ARHGAP26: variants seen among roughly 807,000 people sequenced by gnomAD.
The protein encoded by ARHGAP26 is rho GTPase-activating protein 26.
ARHGAP26 carries 38 observed loss-of-function variants against 104.8 expected under a neutral mutation model. The observed-to-expected ratio is 0.36, with a 90% confidence interval of 0.28 to 0.48. ARHGAP26 has a LOEUF of 0.48. Among genes scored for constraint, ARHGAP26 ranks in the 20% least tolerant of loss-of-function variants. The pLI is 0.99. For synonymous variants in ARHGAP26, 341 were observed against 340.0 expected (o/e 1.00, Z -0.03); for missense variants, 704 against 947.9 (o/e 0.74, Z 3.38).
intron 1 of ARHGAP26, chr5:142,771,225 C>G: frequency 7.9e-7 from 1 of 1,259,226 alleles, no homozygotes; most frequent in Non-Finnish European, 1.0e-6. Context: ...AGCAGTGGGG[C>G]CAGAGTGCCG....
chr5:143,169,159 A>G lies in ARHGAP26; in HGVS notation c.1988+21778A>G, dbSNP rs3776244. On this transcript the variant is annotated intron_variant, in intron 20 of 22. Transcript: ENST00000645722. ...CCTGTCTTCCTCACATGTTTCTGAAAACTGAACACTGGTGTAAATTTCCCT... is the reference window on the plus strand; with the variant it reads ...CCTGTCTTCCTCACATGTTTCTGAAGACTGAACACTGGTGTAAATTTCCCT... Among the ~76,000 whole-genome samples, 656 of 152,326 alleles carry G rather than the reference A, an allele frequency of 4.3e-3. 12 individuals are homozygous for G. In the East Asian group the frequency reaches 0.045, roughly 10 times the overall value.
intron 20 of ARHGAP26, among the ~76,000 whole-genome samples, chr5:143,149,780 G>A (rs1799594764): frequency 6.6e-6 from 1 of 152,162 alleles, no homozygotes; most frequent in Admixed American, 6.5e-5. Flanking sequence ...AAGAACAAAG[G>A]TGGGCTGGGA....
At chr5:143,219,200 A>G (rs1810811190) in intron 22 of ARHGAP26, among the ~76,000 whole-genome samples, 1 of 152,260 alleles carries the variant, frequency 6.6e-6, no homozygotes, top group Non-Finnish European at 1.5e-5. Context: ...TATTATGACC[A>G]TGCACAAATT....
intron 6 of ARHGAP26, among the ~76,000 whole-genome samples, chr5:142,898,252 G>A (rs1206179837): frequency 6.6e-6 from 1 of 151,836 alleles, no homozygotes; most frequent in South Asian, 2.1e-4. Flanking sequence ...GTATATGTAT[G>A]TATATATTTG....
chr5:143,203,106 C>A (rs180987075), intron 20 of ARHGAP26: 2 of 152,060 alleles, frequency 1.3e-5, no homozygotes, highest in South Asian at 4.1e-4. Flanking sequence ...AGCTTCTGCA[C>A]AGCAGAAGAA....
intron 11 of ARHGAP26, among the ~76,000 whole-genome samples, chr5:142,961,357 T>A (rs1234190635): frequency 1.3e-5 from 2 of 151,744 alleles, no homozygotes; most frequent in Non-Finnish European, 2.9e-5. Flanking sequence ...CCGGGCATGG[T>A]GGTGTGCACC....
chr5:142,929,226 G>A (rs537038984), intron 10 of ARHGAP26, among the ~76,000 whole-genome samples: 2 of 152,084 alleles, frequency 1.3e-5, no homozygotes, highest in Non-Finnish European at 2.9e-5. Context: ...TAGTCACTGC[G>A]CCCGGCCTAT....
intron 11 of ARHGAP26, among the ~76,000 whole-genome samples, chr5:142,976,024 A>G (rs1773030438): frequency 6.6e-6 from 1 of 152,244 alleles, no homozygotes; most frequent in African/African-American, 2.4e-5. Flanking sequence ...TAAACAAAGC[A>G]AAGTATATTA....
chr5:142,894,156 AT>A (rs1174590761), intron 5 of ARHGAP26, 81 bp from the exon 6 acceptor site: 1,104 of 1,029,686 alleles, frequency 1.1e-3, no homozygotes, highest in Non-Finnish European at 1.2e-3. Context: ...ATCTCCCGAG[AT>A]TTTTTTTTTC....
chr5:142,771,120 T>G, intron 1 of ARHGAP26: 1 of 1,320,514 alleles, frequency 7.6e-7, no homozygotes, highest in South Asian at 2.0e-5. Context: ...TCGCTCCGCC[T>G]TTTGCGTTCA....
intron 1 of ARHGAP26, among the ~76,000 whole-genome samples, chr5:142,864,144 C>T (rs765005843): frequency 6.6e-6 from 1 of 152,072 alleles, no homozygotes; most frequent in African/African-American, 2.4e-5. Flanking sequence ...AACGTGTCTA[C>T]CTTAGGGGCC....
intron 1 of ARHGAP26, among the ~76,000 whole-genome samples, chr5:142,812,560 A>ACTCCTAGCCTCAAGTGATC (rs1265113117): frequency 6.6e-6 from 1 of 151,802 alleles, no homozygotes; most frequent in Non-Finnish European, 1.5e-5. Flanking sequence ...CTGGTCTCGA[A>ACTCCTAGCCTCAAGTGATC]CTCCTAGCCT....
chr5:142,938,714 C>T (rs1174736277), intron 11 of ARHGAP26, among the ~76,000 whole-genome samples: 1 of 152,222 alleles, frequency 6.6e-6, no homozygotes, highest in Non-Finnish European at 1.5e-5. Flanking sequence ...TGATCCACAG[C>T]TTCAGGGCTT....
intron 14 of ARHGAP26, 59 bp from the exon 15 acceptor site, chr5:143,054,380 G>A: frequency 1.6e-6 from 2 of 1,227,988 alleles, no homozygotes; most frequent in East Asian, 2.4e-5. Context: ...CTTTATGTGT[G>A]CTTATTTATT....
At position 142,963,173 on chromosome 5, in the gene ARHGAP26, T is replaced by TAC. The variant is rs1491343064; in HGVS notation, c.1107+31049_1107+31050insCA. ...TGTGTAGTATTCCATGGTATATATG[T>TAC]ATATATATATATATATATATATATA... On this transcript the variant is annotated intron_variant, in intron 11 of 22. Coordinates refer to ENST00000645722, the MANE Select transcript of ARHGAP26 (RefSeq NM_001135608.3). 1.4e-3 allele frequency among the ~76,000 whole-genome samples: 45 copies of TAC among 32,096 alleles called. 1 individual carries two copies. The highest frequency in any genetic ancestry group is 6.4e-3 in the African/African-American group (39 of 6,102). 21.1% of individuals were successfully genotyped at this position (32,096 alleles called of 152,430 possible).
intron 1 of ARHGAP26, among the ~76,000 whole-genome samples, chr5:142,786,266 G>A (rs1758609774): frequency 6.6e-6 from 1 of 151,682 alleles, no homozygotes; most frequent in Non-Finnish European, 1.5e-5. Flanking sequence ...ACAGGTGTAA[G>A]CCATGGTGTT....
intron 4 of ARHGAP26, among the ~76,000 whole-genome samples, chr5:142,882,289 G>C (rs73286489): frequency 0.016 from 2,467 of 152,302 alleles, 60 homozygotes; most frequent in African/African-American, 0.056. Flanking sequence ...AAGAAGAAGT[G>C]AGTGAACTCC....
At chr5:143,182,305 C>A (rs893103546) in intron 20 of ARHGAP26, among the ~76,000 whole-genome samples, 21 of 152,318 alleles carry the variant, frequency 1.4e-4, no homozygotes, top group African/African-American at 5.1e-4. Flanking sequence ...CAAAACTCAT[C>A]CACAGTTCAT....
rs1762063499 is a variant in ARHGAP26 at position 142,913,204 on chromosome 5, A to G, written c.939A>G (p.Glu313=). The G allele has an allele frequency of 6.2e-7, 1 of 1,613,992 alleles. No individual in the cohort carries two copies. The highest frequency in any genetic ancestry group is 8.5e-7 in the Non-Finnish European group (1 of 1,179,946). The change falls in exon 10 of 23, where the codon GAA becomes GAG. Residue 313 remains glutamate, a synonymous_variant. Transcript: ENST00000645722. ...FDQKSGGKGG[E]DESVILKSCT... ...AGTCTGTGTGTTCCCACTAGGGAGA[A>G]GATGAATCAGTTATCCTCAAATCCT...
Sources: allele counts gnomAD v4.1 joint callset (sites outside exome capture counted in the v4.1 genomes callset), GRCh38; gene constraint gnomAD v4.1.1; transcripts MANE v1.5; gene names NCBI Gene and HGNC (gene_info 2026-07-23, HGNC 2026-07-21).